Variants in LACTBL1 observed in about 807,000 individuals in gnomAD.
LACTBL1 encodes the protein lactamase beta like 1, also known as beta-lactamase-like protein 1.
In LACTBL1, 29 loss-of-function variants were observed where a neutral mutation model predicts 39.6. That is an observed-to-expected ratio of 0.73 (90% confidence interval 0.55 to 1.00). The LOEUF (loss-of-function observed/expected upper bound fraction) is 1.00. Among genes scored for constraint, LACTBL1 ranks in the 50% least tolerant of loss-of-function variants. The pLI is 0.00. For missense variants in LACTBL1, 711 were observed against 748.5 expected, an observed-to-expected ratio of 0.95 and a Z score of 0.59; for synonymous variants, 361 against 360.7, an observed-to-expected ratio of 1.00 and a Z score of -0.01.
intron 2 of LACTBL1, among the ~76,000 whole-genome samples, chr1:22,961,271 A>C (rs985287121): frequency 6.6e-6 from 1 of 152,210 alleles, no homozygotes; most frequent in Non-Finnish European, 1.5e-5. Flanking sequence ...AGAGCCTATG[A>C]GATATGAGGT....
chr1:22,968,561 CTCTTT>C (rs1183531825), upstream of LACTBL1, among the ~76,000 whole-genome samples: 2 of 152,174 alleles, frequency 1.3e-5, no homozygotes, highest in East Asian at 1.9e-4. Context: ...TTTTTCTATT[CTCTTT>C]TCTTTACTTA....
intron 4 of LACTBL1, among the ~76,000 whole-genome samples, chr1:22,958,441 A>G (rs1227177490): frequency 1.3e-5 from 2 of 152,274 alleles, no homozygotes; most frequent in East Asian, 3.9e-4. Context: ...ACCTGCACTG[A>G]TGGGTAAGAC....
Position 22,960,111 on chromosome 1 carries a change from AG to A in LACTBL1, c.160-13del. 6.4e-7 allele frequency: 1 copy of A among 1,550,422 alleles called. No individual in the cohort carries two copies. Among genetic ancestry groups the A allele is most frequent in the Non-Finnish European group, 8.7e-7 (1 of 1,147,000 alleles). On this transcript the variant is annotated splice_polypyrimidine_tract_variant and intron_variant, in intron 2 of 5. Coordinates refer to ENST00000426928, the Ensembl canonical transcript of LACTBL1. ...AGGATCTGGTCCACCTTGAGGGAAA[AG>A]AACGGGTGCAGTGACAGGCCCCCCT...
At chr1:22,965,630 T>C (rs1311019229), upstream of LACTBL1, among the ~76,000 whole-genome samples, 2 of 152,144 alleles carry the variant, frequency 1.3e-5, no homozygotes, top group Non-Finnish European at 2.9e-5. Context: ...CACCCACCCC[T>C]TTGCTTGCTG....
At chr1:22,969,107 C>T (rs1419555336), upstream of LACTBL1, among the ~76,000 whole-genome samples, 1 of 152,058 alleles carries the variant, frequency 6.6e-6, no homozygotes, top group African/African-American at 2.4e-5. Context: ...AATAGGAGGG[C>T]TTTTGGTTTT....
chr1:22,967,378 A>G (rs1386636292), upstream of LACTBL1, among the ~76,000 whole-genome samples: 1 of 151,918 alleles, frequency 6.6e-6, no homozygotes, highest in Non-Finnish European at 1.5e-5. Context: ...CAAAATAAAT[A>G]AATATAAAAA....
the LACTBL1 span, among the ~76,000 whole-genome samples, chr1:22,972,139 AGATGATGATGAT>A: frequency 0.041 from 6,036 of 148,318 alleles, 146 homozygotes; most frequent in Middle Eastern, 0.055. Flanking sequence ...CAAGCTCTAG[AGATGATGATGAT>A]GATGATGATG....
At chr1:22,970,701 T>C in the LACTBL1 span, among the ~76,000 whole-genome samples, 24 of 151,642 alleles carry the variant, frequency 1.6e-4, no homozygotes, top group South Asian at 2.1e-4. Flanking sequence ...TCCCAGCTAC[T>C]TGGAAGGCTG....
At chr1:22,965,438 G>A (rs1181658593), upstream of LACTBL1, 1 of 1,245,332 alleles carries the variant, frequency 8.0e-7, no homozygotes, top group Non-Finnish European at 1.0e-6. Flanking sequence ...GGGAGAGCAA[G>A]GACATAAGGT....
At chr1:22,962,588 T>A (rs1258029622) in intron 2 of LACTBL1, among the ~76,000 whole-genome samples, 1 of 152,180 alleles carries the variant, frequency 6.6e-6, no homozygotes, top group African/African-American at 2.4e-5. Flanking sequence ...CATCCTCTCC[T>A]GTCTCAGCTT....
chr1:22,953,144 G>A, exon 6 of LACTBL1: 8 of 1,232,240 alleles, frequency 6.5e-6, no homozygotes, highest in Non-Finnish European at 8.1e-6. Flanking sequence ...TGATCCAAGG[G>A]GTAGAAGTTG....
At chr1:22,962,295 C>T (rs146752648) in intron 2 of LACTBL1, among the ~76,000 whole-genome samples, 2 of 152,268 alleles carry the variant, frequency 1.3e-5, no homozygotes, top group East Asian at 1.9e-4. Context: ...TTGGCCCACA[C>T]GTTCCCTTCT....
At chr1:22,953,640 C>T in exon 6 of LACTBL1, 2 of 1,271,124 alleles carry the variant, frequency 1.6e-6, no homozygotes, top group Non-Finnish European at 2.0e-6. Flanking sequence ...GGAACTCCCA[C>T]GGCGTGCCCG....
Position 22,953,961 on chromosome 1 carries a change from C to G in LACTBL1, c.723G>C (p.Gln241His), listed in dbSNP as rs960216270. Residue 241 changes from glutamine to histidine, a missense_variant, in exon 6 of 6, where the codon CAG becomes CAC. Transcript: ENST00000426928. ...CCGAGACCCAGCGCTGGTAGTCGCC[C>G]TGGGCGGTGTGAGCTGCCAGGACGT... 3.9e-6 allele frequency: 6 copies of G among 1,549,504 alleles called. No individual in the cohort carries two copies. The Admixed American group carries it at 5.9e-5, about 15-fold the overall frequency.
the LACTBL1 span, among the ~76,000 whole-genome samples, chr1:22,970,809 C>CA: frequency 0.25 from 19,801 of 79,866 alleles, 1,701 homozygotes; most frequent in Middle Eastern, 0.48. Flanking sequence ...GACCCTGTCT[C>CA]AAAAAAAAAA....
chr1:22,970,577 G>A, the LACTBL1 span, among the ~76,000 whole-genome samples: 1 of 152,130 alleles, frequency 6.6e-6, no homozygotes, highest in African/African-American at 2.4e-5. Context: ...GGAGGCCGAG[G>A]CAGGAGGATC....
chr1:22,953,988 G>C (rs992991140), exon 6 of LACTBL1: 89 of 1,544,920 alleles, frequency 5.8e-5, no homozygotes, highest in Non-Finnish European at 7.3e-5. Flanking sequence ...CCAGGACGTG[G>C]GCCAGGAGCG....
the LACTBL1 span, chr1:22,972,823 T>C: frequency 6.1e-6 from 6 of 976,702 alleles, no homozygotes; most frequent in South Asian, 2.4e-4. Flanking sequence ...CCAGTTTGGC[T>C]GACAGTGCCT....
rs541111750 is a variant in LACTBL1 at position 22,955,362 on chromosome 1, G to A, written c.618C>T (p.Asn206=). ...CTACCAGCACATCGTCCTTGAGCAG[G>A]TTCAGGGCCTCCTGGGTGCTGCCCT... is the stretch of plus-strand genomic sequence containing the variant. Residue 206 remains asparagine, a synonymous_variant, in exon 5 of 6, where the codon AAC becomes AAT. Coordinates refer to ENST00000426928, the Ensembl canonical transcript of LACTBL1. 1.2e-5 allele frequency: 18 copies of A among 1,550,548 alleles called. No individual in the cohort carries two copies. The South Asian group carries it at 2.1e-4, about 18-fold the overall frequency.
Sources: allele counts gnomAD v4.1 joint callset (sites outside exome capture counted in the v4.1 genomes callset), GRCh38; gene constraint gnomAD v4.1.1; transcripts MANE v1.5; gene names NCBI Gene and HGNC (gene_info 2026-07-23, HGNC 2026-07-21).